SLC67A2: variants seen among roughly 807,000 people sequenced by gnomAD.
SLC67A2 encodes the protein solute carrier family 67 member A2.
chr2:102,721,534 T>A, the SLC67A2 span, among the ~76,000 whole-genome samples: 1 of 152,150 alleles, frequency 6.6e-6, no homozygotes, highest in African/African-American at 2.4e-5. Flanking sequence ...TAAGGAAAAC[T>A]GCCTAGCATG....
the SLC67A2 span, among the ~76,000 whole-genome samples, chr2:102,727,216 T>A: frequency 6.6e-6 from 1 of 152,110 alleles, no homozygotes; most frequent in African/African-American, 2.4e-5. Context: ...AAAAGTCTGA[T>A]GATCTGGTAG....
the SLC67A2 span, chr2:102,736,425 G>C: frequency 1.2e-5 from 15 of 1,265,770 alleles, no homozygotes; most frequent in Middle Eastern, 5.6e-4. Context: ...TTCCGCGAAC[G>C]GGGTGCAAGA....
the SLC67A2 span, chr2:102,719,152 G>A: frequency 2.5e-6 from 4 of 1,614,032 alleles, no homozygotes; most frequent in East Asian, 6.7e-5. Context: ...GCAATGGCAG[G>A]CCCTTCTCTG....
At chr2:102,735,242 T>A in the SLC67A2 span, among the ~76,000 whole-genome samples, 1 of 152,208 alleles carries the variant, frequency 6.6e-6, no homozygotes, top group Non-Finnish European at 1.5e-5. Context: ...GATCCTGCAA[T>A]GGCCTAGAGG....
At chr2:102,727,723 C>T in the SLC67A2 span, among the ~76,000 whole-genome samples, 1 of 152,132 alleles carries the variant, frequency 6.6e-6, no homozygotes, top group South Asian at 2.1e-4. Context: ...TTTTTTTAGG[C>T]ATTTGCCATA....
the SLC67A2 span, chr2:102,736,498 G>A: frequency 6.5e-7 from 1 of 1,546,670 alleles, no homozygotes; most frequent in Non-Finnish European, 8.7e-7. Flanking sequence ...GATAGGGCAA[G>A]AGGAGAGCTT....
chr2:102,732,321 C>T, the SLC67A2 span: 3 of 1,612,306 alleles, frequency 1.9e-6, no homozygotes, highest in South Asian at 1.1e-5. Context: ...CGACCACTCA[C>T]CTACTATTCC....
the SLC67A2 span, among the ~76,000 whole-genome samples, chr2:102,726,383 G>A: frequency 2.0e-5 from 3 of 152,160 alleles, no homozygotes; most frequent in Non-Finnish European, 4.4e-5. Context: ...ACAGTAGTGT[G>A]ATCATTCACG....
the SLC67A2 span, among the ~76,000 whole-genome samples, chr2:102,724,698 C>T: frequency 6.6e-6 from 1 of 152,200 alleles, no homozygotes; most frequent in Non-Finnish European, 1.5e-5. Flanking sequence ...GCATGAATCA[C>T]TCAAGTGTGA....
chr2:102,730,875 ATTCT>A, the SLC67A2 span: 6 of 726,848 alleles, frequency 8.3e-6, no homozygotes, highest in South Asian at 2.0e-5. Context: ...TTTTGTTTAC[ATTCT>A]TTTTGTCTGT....
the SLC67A2 span, among the ~76,000 whole-genome samples, chr2:102,736,175 C>A: frequency 6.6e-6 from 1 of 152,234 alleles, no homozygotes; most frequent in Admixed American, 6.5e-5. Flanking sequence ...AACCAAGAAT[C>A]CTAGTGAAAA....
At chr2:102,723,164 G>A in the SLC67A2 span, among the ~76,000 whole-genome samples, 1 of 152,214 alleles carries the variant, frequency 6.6e-6, no homozygotes, top group South Asian at 2.1e-4. Flanking sequence ...GTGTTAATGA[G>A]GATGTGGAGA....
the SLC67A2 span, among the ~76,000 whole-genome samples, chr2:102,732,919 T>C: frequency 6.6e-6 from 1 of 152,188 alleles, no homozygotes; most frequent in African/African-American, 2.4e-5. Context: ...GAATGGGCTT[T>C]GGGGTCAGGC....
the SLC67A2 span, chr2:102,732,227 A>G: frequency 1.2e-5 from 13 of 1,068,962 alleles, no homozygotes; most frequent in Admixed American, 5.3e-5. Context: ...TTACCTTTGG[A>G]TAATATTTGG....
chr2:102,715,180 G>T, the SLC67A2 span, among the ~76,000 whole-genome samples: 3 of 152,166 alleles, frequency 2.0e-5, no homozygotes, highest in Non-Finnish European at 1.5e-5. Context: ...CCTCCTTGCT[G>T]CGGCTAGAGA....
the SLC67A2 span, chr2:102,719,293 G>T: frequency 7.5e-7 from 1 of 1,328,108 alleles, no homozygotes; most frequent in East Asian, 2.3e-5. Context: ...AATTATTTGT[G>T]TTAGATTACT....
chr2:102,723,610 A>G, the SLC67A2 span: 6 of 1,313,486 alleles, frequency 4.6e-6, no homozygotes, highest in Non-Finnish European at 6.4e-6. Context: ...GTCTATTCTG[A>G]TAAAAACGAA....
chr2:102,719,662 T>G, the SLC67A2 span, among the ~76,000 whole-genome samples: 1 of 152,188 alleles, frequency 6.6e-6, no homozygotes, highest in Admixed American at 6.5e-5. Context: ...AGAAATATAT[T>G]AACACAGAAA....
At chr2:102,730,837 C>T in the SLC67A2 span, among the ~76,000 whole-genome samples, 1 of 152,346 alleles carries the variant, frequency 6.6e-6, no homozygotes, top group South Asian at 2.1e-4. Context: ...GCGTGAGCCA[C>T]CGCGCCCAGC....
Sources: allele counts gnomAD v4.1 joint callset (sites outside exome capture counted in the v4.1 genomes callset), GRCh38; gene constraint gnomAD v4.1.1; transcripts MANE v1.5; gene names NCBI Gene and HGNC (gene_info 2026-07-23, HGNC 2026-07-21).